ITPR1: variants seen among roughly 807,000 people sequenced by gnomAD.
ITPR1 encodes inositol 1,4,5-trisphosphate receptor type 1.
ITPR1 carries 96 observed loss-of-function variants against 318.4 expected under a neutral mutation model. The ratio of observed to expected loss-of-function variants is 0.30; its 90% CI spans 0.26 to 0.36. The LOEUF (loss-of-function observed/expected upper bound fraction) is 0.36. Ranked by LOEUF, ITPR1 falls within the 10% of genes least tolerant of loss-of-function variation. The pLI is 1.00. For synonymous variants in ITPR1, 1,312 were observed against 1,289.9 expected (o/e 1.02, Z -0.37); for missense variants, 2,440 against 3,460.2 (o/e 0.71, Z 7.40).
At chr3:4,794,893 T>C in intron 52 of ITPR1, 172 bp from the exon 53 acceptor site, 2 of 661,642 alleles carry the variant, frequency 3.0e-6, no homozygotes, top group Non-Finnish European at 4.9e-6. Context: ...AATAAACCAA[T>C]CTGATGTCAT....
chr3:4,598,352 G>T (rs1340069427), intron 4 of ITPR1, among the ~76,000 whole-genome samples: 2 of 152,226 alleles, frequency 1.3e-5, no homozygotes, highest in Non-Finnish European at 2.9e-5. Context: ...GGGTGCAGTG[G>T]CTCACGCCTA....
intron 49 of ITPR1, among the ~76,000 whole-genome samples, chr3:4,781,051 C>T (rs946284935): frequency 6.6e-6 from 1 of 152,230 alleles, no homozygotes; most frequent in Non-Finnish European, 1.5e-5. Context: ...TGCGTACATA[C>T]GTGTGTATGC....
Position 4,670,787 on chromosome 3 carries a change from G to C in ITPR1, c.2065G>C (p.Glu689Gln). The change falls in exon 20 of 62, where the codon GAG becomes CAG. Residue 689 changes from glutamate to glutamine, a missense_variant. Coordinates refer to ENST00000649015, the MANE Select transcript of ITPR1 (RefSeq NM_001378452.1). ...GVSSTGENAL[E>Q]AGEDEEEVWL... ...CTCTTCCACTGGAGAGAATGCTCTG[G>C]AGGCAGGAGAAGACGAGGAAGAGGT... The C allele has an allele frequency of 3.1e-6, 5 of 1,607,942 alleles. No homozygotes were observed. The highest frequency in any genetic ancestry group is 4.2e-6 in the Non-Finnish European group (5 of 1,176,964).
At chr3:4,647,640 T>G (rs761651696) in intron 10 of ITPR1, among the ~76,000 whole-genome samples, 65 of 152,340 alleles carry the variant, frequency 4.3e-4, no homozygotes, top group Admixed American at 5.2e-4. Context: ...CTCGTTCTAG[T>G]AGGTACATAG....
At chr3:4,495,173 A>G (rs1297158440) in intron 2 of ITPR1, among the ~76,000 whole-genome samples, 1 of 151,214 alleles carries the variant, frequency 6.6e-6, no homozygotes, top group African/African-American at 2.4e-5. Flanking sequence ...GTCAGACTGC[A>G]TTTGAAGAGT....
Position 4,847,422 on chromosome 3 carries a change from G to C in ITPR1, c.*1197G>C, listed in dbSNP as rs2051869349. 7.0e-6 allele frequency: 1 copy of C among 142,134 alleles called. No individual in the cohort carries two copies. 8.8% of individuals were successfully genotyped at this position (142,134 alleles called of 1,614,324 possible). A position where few individuals can be genotyped will look rare whatever the true frequency, so the allele number is the denominator to read the frequency against. ...AAAAAAAAAAAAACAGTTTAAAAAT[G>C]CATTGAAAGCAGAGTTCTGAAATGA... On this transcript the variant is annotated 3_prime_UTR_variant, in exon 62 of 62. Transcript: ENST00000649015.
intron 2 of ITPR1, among the ~76,000 whole-genome samples, chr3:4,510,751 A>G (rs2081753379): frequency 6.6e-6 from 1 of 152,226 alleles, no homozygotes; most frequent in African/African-American, 2.4e-5. Flanking sequence ...GTAGAGATCC[A>G]TGGTGTAGAG....
chr3:4,811,168 A>T, intron 55 of ITPR1, 97 bp from the exon 56 acceptor site: 1 of 772,058 alleles, frequency 1.3e-6, no homozygotes, highest in Non-Finnish European at 2.0e-6. Flanking sequence ...TGAGTGTCTA[A>T]GAGGGCAAAC....
intron 4 of ITPR1, among the ~76,000 whole-genome samples, chr3:4,538,886 G>C (rs577567528): frequency 7.2e-5 from 11 of 152,252 alleles, no homozygotes; most frequent in Middle Eastern, 6.8e-3. Flanking sequence ...GGGGATGGGT[G>C]AGGGGAGGAA....
chr3:4,730,280 T>G (rs369119604), intron 42 of ITPR1, among the ~76,000 whole-genome samples: 4 of 61,656 alleles, frequency 6.5e-5, no homozygotes, highest in African/African-American at 1.7e-4. Context: ...TTTAATTGTG[T>G]GTGTGTGTGT....
intron 60 of ITPR1, among the ~76,000 whole-genome samples, chr3:4,824,652 T>C (rs944038430): frequency 6.6e-6 from 1 of 152,130 alleles, no homozygotes; most frequent in Non-Finnish European, 1.5e-5. Flanking sequence ...AGAGGCAAGA[T>C]GCAGGAAAGG....
chr3:4,673,003 T>G, intron 20 of ITPR1, 133 bp from the exon 21 acceptor site: 1 of 887,768 alleles, frequency 1.1e-6, no homozygotes, highest in Non-Finnish European at 1.7e-6. Flanking sequence ...ACAAGAGCAA[T>G]TTAGGGGTGT....
chr3:4,657,528 C>T (rs959729302), intron 12 of ITPR1, among the ~76,000 whole-genome samples: 4 of 149,250 alleles, frequency 2.7e-5, no homozygotes, highest in East Asian at 2.0e-4. Flanking sequence ...AATGCGGTGG[C>T]GCGATCTCAG....
intron 4 of ITPR1, among the ~76,000 whole-genome samples, chr3:4,591,828 C>G (rs1307363671): frequency 2.0e-5 from 3 of 152,084 alleles, no homozygotes; most frequent in Non-Finnish European, 2.9e-5. Context: ...CATAATGGCT[C>G]ACTTCAACGT....
rs749568149 is a variant in ITPR1 at position 4,814,514 on chromosome 3, G to A, written c.7653G>A (p.Leu2551=). 73 of 1,613,518 alleles carry A rather than the reference G, an allele frequency of 4.5e-5. No individual in the cohort carries two copies. The highest frequency in any genetic ancestry group is 2.0e-4 in the South Asian group (18 of 91,070). ...MCIVTVLSHG[L]RSGGGVGDVL... ...TTGTCACTGTGCTGAGTCACGGGCTGCGGAGCGGGGGTGGAGTAGGAGATG... is the reference window on the plus strand; with the variant it reads ...TTGTCACTGTGCTGAGTCACGGGCTACGGAGCGGGGGTGGAGTAGGAGATG... Residue 2551 remains leucine, a synonymous_variant, in exon 58 of 62, where the codon CTG becomes CTA. Transcript: ENST00000649015.
chr3:4,698,695 A>G (rs539860604), intron 34 of ITPR1, among the ~76,000 whole-genome samples: 22 of 152,322 alleles, frequency 1.4e-4, no homozygotes, highest in Admixed American at 1.4e-3. Context: ...CTGTAAAATC[A>G]GTTATTAATA....
intron 45 of ITPR1, among the ~76,000 whole-genome samples, chr3:4,767,659 C>G (rs112594565): frequency 0.017 from 2,538 of 152,312 alleles, 44 homozygotes; most frequent in South Asian, 0.062. Context: ...GCTGGGACTG[C>G]AAGTATGCAC....
intron 44 of ITPR1, among the ~76,000 whole-genome samples, chr3:4,760,707 A>G (rs2045376316): frequency 6.6e-6 from 1 of 152,176 alleles, no homozygotes; most frequent in African/African-American, 2.4e-5. Context: ...TCCAGAGGCC[A>G]CCCACATCCC....
At chr3:4,679,448 G>T (rs1229383776) in intron 24 of ITPR1, among the ~76,000 whole-genome samples, 1 of 152,208 alleles carries the variant, frequency 6.6e-6, no homozygotes, top group Non-Finnish European at 1.5e-5. Flanking sequence ...GTAACTCTCA[G>T]TCTGAGGCCA....
Sources: allele counts gnomAD v4.1 joint callset (sites outside exome capture counted in the v4.1 genomes callset), GRCh38; gene constraint gnomAD v4.1.1; transcripts MANE v1.5; gene names NCBI Gene and HGNC (gene_info 2026-07-23, HGNC 2026-07-21).